Variants in ACSF2 observed in about 807,000 individuals in gnomAD.
ACSF2 encodes medium-chain acyl-CoA ligase ACSF2, mitochondrial.
In ACSF2, 52 loss-of-function variants were observed where a neutral mutation model predicts 79.3. The observed-to-expected ratio is 0.66, with a 90% confidence interval of 0.53 to 0.83. The LOEUF (loss-of-function observed/expected upper bound fraction) is 0.83, where lower values mean the gene tolerates loss of function less well. Ranked by LOEUF, ACSF2 falls within the 40% of genes least tolerant of loss-of-function variation. ACSF2 has a pLI of 0.00. For missense variants in ACSF2, 661 were observed against 803.3 expected, an observed-to-expected ratio of 0.82 and a Z score of 2.14; for synonymous variants, 283 against 312.6, an observed-to-expected ratio of 0.91 and a Z score of 1.00.
intron 1 of ACSF2, among the ~76,000 whole-genome samples, chr17:50,432,655 T>A (rs1250635807): frequency 6.6e-6 from 1 of 152,212 alleles, no homozygotes; most frequent in East Asian, 1.9e-4. Flanking sequence ...CCTTTAGAAC[T>A]AAACATGTTG....
chr17:50,465,778 G>A (rs764189527), intron 10 of ACSF2: 44 of 1,613,716 alleles, frequency 2.7e-5, no homozygotes, highest in East Asian at 2.2e-4. Context: ...CCAGGCTGTC[G>A]AAGGGGAAGT....
intron 1 of ACSF2, among the ~76,000 whole-genome samples, chr17:50,435,224 CATT>C (rs2030299260): frequency 6.6e-6 from 1 of 152,134 alleles, no homozygotes; most frequent in Admixed American, 6.5e-5. Flanking sequence ...AGGAGCAGCT[CATT>C]AACCTTGACA....
intron 1 of ACSF2, among the ~76,000 whole-genome samples, chr17:50,441,261 C>T (rs906214967): frequency 6.6e-6 from 1 of 152,230 alleles, no homozygotes; most frequent in Non-Finnish European, 1.5e-5. Context: ...CCTTGATCTC[C>T]CCAGGCTCAG....
At chr17:50,444,059 C>T (rs1209640207) in intron 1 of ACSF2, among the ~76,000 whole-genome samples, 3 of 152,272 alleles carry the variant, frequency 2.0e-5, no homozygotes, top group African/African-American at 7.2e-5. Flanking sequence ...TAAATATAGA[C>T]TCCTCTAGAA....
chr17:50,457,288 T>C (rs2032072224), intron 1 of ACSF2, among the ~76,000 whole-genome samples: 1 of 152,176 alleles, frequency 6.6e-6, no homozygotes, highest in African/African-American at 2.4e-5. Flanking sequence ...TCATTGGATA[T>C]GGGCTAGGCA....
chr17:50,455,021 G>A (rs377492947), intron 1 of ACSF2, among the ~76,000 whole-genome samples: 6 of 152,172 alleles, frequency 3.9e-5, no homozygotes, highest in East Asian at 1.9e-4. Context: ...AACACCTGCC[G>A]TCCGGCTGGA....
intron 2 of ACSF2, 182 bp downstream of exon 2, chr17:50,461,054 A>G: frequency 1.8e-6 from 2 of 1,118,442 alleles, no homozygotes; most frequent in Non-Finnish European, 2.5e-6. Context: ...TGCCTCCTGT[A>G]TCAGCAGCTC....
chr17:50,426,526 G>A, intron 1 of ACSF2, 137 bp downstream of exon 1: 1 of 1,114,552 alleles, frequency 9.0e-7, no homozygotes, highest in Non-Finnish European at 1.2e-6. Context: ...CCCGCCCCCC[G>A]CCAGCACCTA....
At chr17:50,457,440 G>A (rs994466549) in intron 1 of ACSF2, among the ~76,000 whole-genome samples, 4 of 152,226 alleles carry the variant, frequency 2.6e-5, no homozygotes, top group African/African-American at 9.6e-5. Context: ...GATGGGAAGA[G>A]GACCAGTTTT....
intron 10 of ACSF2, 118 bp downstream of exon 10, chr17:50,464,412 C>T (rs925384111): frequency 3.1e-5 from 33 of 1,047,624 alleles, no homozygotes; most frequent in Non-Finnish European, 4.9e-5. Flanking sequence ...AGCCAGCCCT[C>T]CTTCCAGAAA....
intron 10 of ACSF2, chr17:50,468,871 G>C (rs2412325): frequency 0.24 from 352,541 of 1,444,788 alleles, 44,983 homozygotes; most frequent in African/African-American, 0.36. Flanking sequence ...CGCGGGCAGC[G>C]GCGAGTCCTA....
At chr17:50,466,504 T>G (rs2032739828) in intron 10 of ACSF2, among the ~76,000 whole-genome samples, 1 of 152,212 alleles carries the variant, frequency 6.6e-6, no homozygotes, top group African/African-American at 2.4e-5. Flanking sequence ...CCTCTTCCCC[T>G]GGCACCACAA....
intron 1 of ACSF2, among the ~76,000 whole-genome samples, chr17:50,453,758 G>T (rs573356312): frequency 6.6e-6 from 1 of 151,408 alleles, no homozygotes; most frequent in Non-Finnish European, 1.5e-5. Context: ...TGTTGTTTTG[G>T]GTTTGTGTGT....
At chr17:50,450,972 C>G (rs1386964084) in intron 1 of ACSF2, among the ~76,000 whole-genome samples, 1 of 152,162 alleles carries the variant, frequency 6.6e-6, no homozygotes, top group East Asian at 1.9e-4. Flanking sequence ...CACTCTGTCA[C>G]CCAGGCCTGT....
intron 1 of ACSF2, among the ~76,000 whole-genome samples, chr17:50,457,725 C>A (rs2032097701): frequency 6.6e-6 from 1 of 152,180 alleles, no homozygotes; most frequent in South Asian, 2.1e-4. Context: ...CACACTATGG[C>A]TACTTAGAGG....
intron 9 of ACSF2, 70 bp from the exon 10 acceptor site, chr17:50,464,148 A>G: frequency 2.0e-6 from 3 of 1,496,580 alleles, no homozygotes; most frequent in Non-Finnish European, 2.8e-6. Flanking sequence ...CCCCTGAATG[A>G]GCTGTAGGTG....
chr17:50,445,806 T>TA (rs11390963), intron 1 of ACSF2, among the ~76,000 whole-genome samples: 93,475 of 145,346 alleles, frequency 0.64, 30,872 homozygotes, highest in African/African-American at 0.81. Flanking sequence ...ATCCTATCTT[T>TA]AAAAAAAAAA....
At chr17:50,428,216 T>C (rs1322169266) in intron 1 of ACSF2, among the ~76,000 whole-genome samples, 1 of 152,210 alleles carries the variant, frequency 6.6e-6, no homozygotes, top group Non-Finnish European at 1.5e-5. Flanking sequence ...GCTGGGTGGG[T>C]GGCTCATGCC....
At position 50,462,476 on chromosome 17, in the gene ACSF2, T is replaced by C. The variant is rs978475846; in HGVS notation, c.683T>C (p.Leu228Pro). ...GATGCCCCTTTGCCGGGGACCCTGC[T>C]CCTGGATGAAGTGGTGGCGGCTGGC... The part of the protein sequence containing the change: ...SVDAPLPGTL[L>P]LDEVVAAGST... Residue 228 changes from leucine to proline, a missense_variant, in exon 6 of 16, where the codon CTC becomes CCC. Leu to Pro is a moderately conservative substitution (Grantham distance 98). Transcript: ENST00000300441. The C allele has an allele frequency of 9.3e-6, 15 of 1,613,222 alleles. No individual in the cohort carries two copies. The highest frequency in any genetic ancestry group is 1.2e-5 in the Non-Finnish European group (14 of 1,179,862).
Sources: allele counts gnomAD v4.1 joint callset (sites outside exome capture counted in the v4.1 genomes callset), GRCh38; gene constraint gnomAD v4.1.1; transcripts MANE v1.5; gene names NCBI Gene and HGNC (gene_info 2026-07-23, HGNC 2026-07-21).